ANKS1B: variants seen among roughly 807,000 people sequenced by gnomAD.
ANKS1B encodes the protein ankyrin repeat and sterile alpha motif domain containing 1B.
Under a neutral mutation model 148.3 loss-of-function variants are expected in ANKS1B, and 36 were observed. That is an observed-to-expected ratio of 0.24 (90% CI 0.19 to 0.32). ANKS1B has a LOEUF of 0.32. Among genes scored for constraint, ANKS1B ranks in the 10% least tolerant of loss-of-function variants. The probability of loss-of-function intolerance (pLI) is 1.00; values close to 1 mark genes in which losing one functional copy is unlikely to be tolerated. For missense variants in ANKS1B, 1,157 were observed against 1,542.6 expected (o/e 0.75, Z 4.19); for synonymous variants, 542 against 560.8 (o/e 0.97, Z 0.47).
chr12:99,070,900 C>T (rs60764062), intron 16 of ANKS1B, among the ~76,000 whole-genome samples: 12,178 of 152,134 alleles, frequency 0.08, 1,155 homozygotes, highest in African/African-American at 0.22. Flanking sequence ...CCTTCCCTCA[C>T]GCGATCCTCC....
intron 11 of ANKS1B, among the ~76,000 whole-genome samples, chr12:99,436,637 AC>A (rs1256466562): frequency 6.6e-6 from 1 of 151,952 alleles, no homozygotes; most frequent in African/African-American, 2.4e-5. Context: ...ATTTTTTGTA[AC>A]CCCAGTTCTA....
At chr12:99,739,509 T>G (rs1416661365) in intron 8 of ANKS1B, among the ~76,000 whole-genome samples, 1 of 152,104 alleles carries the variant, frequency 6.6e-6, no homozygotes. Context: ...AGTTTCAGTT[T>G]TATAATCATA....
chr12:99,483,439 G>T (rs189286239), intron 10 of ANKS1B, among the ~76,000 whole-genome samples: 129 of 151,970 alleles, frequency 8.5e-4, no homozygotes, highest in African/African-American at 3.0e-3. Flanking sequence ...GTTCATCAGG[G>T]TAATTAGTCT....
chr12:98,765,555 C>A (rs1270850576), intron 25 of ANKS1B, among the ~76,000 whole-genome samples: 2 of 151,508 alleles, frequency 1.3e-5, no homozygotes, highest in Admixed American at 1.3e-4. Context: ...TAAGCCACTG[C>A]ACCTGGCCTT....
chr12:99,201,567 A>G (rs541151111), intron 14 of ANKS1B, among the ~76,000 whole-genome samples: 12 of 152,182 alleles, frequency 7.9e-5, no homozygotes, highest in Non-Finnish European at 1.6e-4. Flanking sequence ...GAGTTATTTT[A>G]GTGTAATGCC....
intron 19 of ANKS1B, among the ~76,000 whole-genome samples, chr12:98,823,771 C>T (rs1240189305): frequency 6.6e-6 from 1 of 152,368 alleles, no homozygotes; most frequent in Non-Finnish European, 1.5e-5. Context: ...GGATTACAGG[C>T]GTGAGCCACG....
intron 14 of ANKS1B, among the ~76,000 whole-genome samples, chr12:99,196,534 T>C (rs562762953): frequency 6.6e-6 from 1 of 152,244 alleles, no homozygotes; most frequent in Admixed American, 6.5e-5. Context: ...TTTTGCCTCT[T>C]CAAAGACTTA....
chr12:98,930,724 G>C (rs1324097478), intron 17 of ANKS1B, among the ~76,000 whole-genome samples: 1 of 152,004 alleles, frequency 6.6e-6, no homozygotes, highest in Non-Finnish European at 1.5e-5. Flanking sequence ...TCCAGTGTAG[G>C]GGCTGGGGAA....
rs961296141 is a variant in ANKS1B, at chr12:99,051,285, T to C, written c.2778+1872A>G. Among the ~76,000 whole-genome samples, 8 of 152,366 alleles carry C rather than the reference T, an allele frequency of 5.3e-5. No individual in the cohort carries two copies. The East Asian group carries it at 1.3e-3, about 26-fold the overall frequency. On this transcript the variant is annotated intron_variant, in intron 17 of 26. Coordinates refer to ENST00000683438, the MANE Select transcript of ANKS1B (RefSeq NM_001352186.2). ...AGTGATCCTTACTTCAGTGAAAACATATAATAGAGTCCTATTGAAATCCAT... is the reference window on the plus strand; with the variant it reads ...AGTGATCCTTACTTCAGTGAAAACACATAATAGAGTCCTATTGAAATCCAT...
chr12:99,658,728 T>A (rs190227264), intron 8 of ANKS1B, among the ~76,000 whole-genome samples: 3 of 152,170 alleles, frequency 2.0e-5, no homozygotes, highest in Non-Finnish European at 4.4e-5. Flanking sequence ...CAGGGCTGTA[T>A]GAAGATCAAA....
At chr12:98,994,129 A>T (rs2099928197) in intron 17 of ANKS1B, among the ~76,000 whole-genome samples, 1 of 152,176 alleles carries the variant, frequency 6.6e-6, no homozygotes, top group African/African-American at 2.4e-5. Flanking sequence ...GCGTCGTATG[A>T]TACAAGCAGA....
chr12:99,336,445 G>C (rs2152307774), intron 12 of ANKS1B, among the ~76,000 whole-genome samples: 1 of 152,200 alleles, frequency 6.6e-6, no homozygotes, highest in Non-Finnish European at 1.5e-5. Flanking sequence ...TCTCTGCCCA[G>C]TTGAATGTCC....
chr12:99,584,617 T>C (rs2097608204), intron 9 of ANKS1B, among the ~76,000 whole-genome samples: 1 of 151,042 alleles, frequency 6.6e-6, no homozygotes, highest in Non-Finnish European at 1.5e-5. Flanking sequence ...TATATATATA[T>C]ATCTGTTCTC....
At chr12:99,464,455 G>T (rs570856411) in intron 10 of ANKS1B, among the ~76,000 whole-genome samples, 2 of 152,338 alleles carry the variant, frequency 1.3e-5, no homozygotes, top group East Asian at 3.9e-4. Flanking sequence ...TGACTTTGAC[G>T]AGTTGAGAGA....
At chr12:99,902,539 T>C (rs1181917435) in intron 1 of ANKS1B, among the ~76,000 whole-genome samples, 1 of 152,038 alleles carries the variant, frequency 6.6e-6, no homozygotes, top group African/African-American at 2.4e-5. Context: ...AGGATGGATA[T>C]GGAAAAGAAG....
intron 12 of ANKS1B, among the ~76,000 whole-genome samples, chr12:99,270,204 T>C (rs545544779): frequency 6.6e-6 from 1 of 152,322 alleles, no homozygotes; most frequent in South Asian, 2.1e-4. Context: ...ACCTAGTCAG[T>C]ATCTCAGCCC....
intron 17 of ANKS1B, among the ~76,000 whole-genome samples, chr12:99,002,988 T>C (rs947604592): frequency 2.6e-5 from 4 of 152,238 alleles, no homozygotes; most frequent in African/African-American, 4.8e-5. Flanking sequence ...AAGTTTTTAA[T>C]CTACTTGGCA....
At chr12:98,791,325 A>G (rs1010472984) in intron 22 of ANKS1B, among the ~76,000 whole-genome samples, 3 of 143,106 alleles carry the variant, frequency 2.1e-5, no homozygotes, top group Admixed American at 6.9e-5. Context: ...AGCCTGGGAG[A>G]CAGTCAAAAA....
chr12:98,869,315 C>T (rs996447850), intron 17 of ANKS1B, among the ~76,000 whole-genome samples: 6 of 152,144 alleles, frequency 3.9e-5, no homozygotes, highest in African/African-American at 1.4e-4. Context: ...CCACCACTTT[C>T]CACCCATTCA....
Sources: gnomAD v4.1 joint callset for allele counts (sites outside exome capture counted in the v4.1 genomes callset) on GRCh38, gnomAD v4.1.1 for gene constraint, MANE v1.5 for transcripts, NCBI Gene and HGNC (gene_info 2026-07-23, HGNC 2026-07-21) for gene names.